ANO6: variants seen among roughly 807,000 people sequenced by gnomAD.
ANO6 encodes the protein anoctamin 6.
Under a neutral mutation model 117.5 loss-of-function variants are expected in ANO6, and 106 were observed. That is an observed-to-expected ratio of 0.90 (90% CI 0.77 to 1.06). ANO6 has a LOEUF of 1.06. Ranked by LOEUF, ANO6 falls within the 50% of genes least tolerant of loss-of-function variation. The pLI, the probability that ANO6 is intolerant of heterozygous loss-of-function variation, is 0.00. For missense variants in ANO6, 955 were observed against 1,121.1 expected, an observed-to-expected ratio of 0.85 and a Z score of 2.12; for synonymous variants, 367 against 385.1, an observed-to-expected ratio of 0.95 and a Z score of 0.55.
At chr12:45,394,649 A>G (rs1163280817) in intron 12 of ANO6, among the ~76,000 whole-genome samples, 1 of 152,268 alleles carries the variant, frequency 6.6e-6, no homozygotes. Flanking sequence ...ACTGTCTCTC[A>G]GACCACAGTG....
At chr12:45,322,549 A>G (rs1565689399) in intron 2 of ANO6, among the ~76,000 whole-genome samples, 1 of 152,188 alleles carries the variant, frequency 6.6e-6, no homozygotes. Context: ...CTTGCTGAGC[A>G]TATTGGTTTA....
chr12:45,295,639 G>A (rs1316540070), intron 1 of ANO6, among the ~76,000 whole-genome samples: 1 of 152,034 alleles, frequency 6.6e-6, no homozygotes, highest in Non-Finnish European at 1.5e-5. Flanking sequence ...TCGGCTCACT[G>A]CAACCTCTGC....
intron 1 of ANO6, among the ~76,000 whole-genome samples, chr12:45,230,525 T>C (rs1947559103): frequency 6.6e-6 from 1 of 151,204 alleles, no homozygotes; most frequent in Admixed American, 6.6e-5. Flanking sequence ...ATGGTCATTG[T>C]AAAACAACTA....
chr12:45,417,450 C>T (rs1052594891), intron 17 of ANO6, among the ~76,000 whole-genome samples: 5 of 152,182 alleles, frequency 3.3e-5, no homozygotes, highest in African/African-American at 1.2e-4. Context: ...ACCCTTCCCA[C>T]CCCACCCTTA....
chr12:45,372,910 G>C (rs1224088755), intron 9 of ANO6, among the ~76,000 whole-genome samples: 1 of 152,150 alleles, frequency 6.6e-6, no homozygotes, highest in Non-Finnish European at 1.5e-5. Context: ...AAAAGACACA[G>C]ACTGGCAAAT....
chr12:45,284,574 A>G (rs1449204736), intron 1 of ANO6, among the ~76,000 whole-genome samples: 2 of 151,964 alleles, frequency 1.3e-5, no homozygotes, highest in Non-Finnish European at 1.5e-5. Context: ...ACCTCGTCCA[A>G]CTCCCAGCCA....
chr12:45,276,256 C>T (rs567116471), intron 1 of ANO6, among the ~76,000 whole-genome samples: 18 of 152,304 alleles, frequency 1.2e-4, no homozygotes, highest in African/African-American at 3.8e-4. Flanking sequence ...AGGCCAGCTT[C>T]GTCACCTGGA....
chr12:45,432,847 T>G (rs140607051), downstream of ANO6, among the ~76,000 whole-genome samples: 383 of 152,296 alleles, frequency 2.5e-3, 2 homozygotes, highest in African/African-American at 9.0e-3. Flanking sequence ...CTGTCTCCCC[T>G]TCATTACTGA....
chr12:45,433,940 T>TC (rs1159955810), downstream of ANO6, among the ~76,000 whole-genome samples: 1 of 152,212 alleles, frequency 6.6e-6, no homozygotes, highest in Non-Finnish European at 1.5e-5. Context: ...TAATAGCATT[T>TC]CCATTTCCCA....
intron 1 of ANO6, among the ~76,000 whole-genome samples, chr12:45,298,189 G>A (rs1939358280): frequency 6.6e-6 from 1 of 152,154 alleles, no homozygotes; most frequent in East Asian, 1.9e-4. Flanking sequence ...CTCAAGTACT[G>A]TTGTTCCAAG....
intron 16 of ANO6, among the ~76,000 whole-genome samples, chr12:45,412,021 A>C (rs141020112): frequency 6.6e-6 from 1 of 151,926 alleles, no homozygotes; most frequent in East Asian, 1.9e-4. Flanking sequence ...TCCTTCACCC[A>C]CTTCTCACCA....
At chr12:45,267,616 C>T (rs1938260473) in intron 1 of ANO6, among the ~76,000 whole-genome samples, 1 of 151,882 alleles carries the variant, frequency 6.6e-6, no homozygotes, top group African/African-American at 2.4e-5. Flanking sequence ...TGTGGTGAAA[C>T]CCCGTCTCTA....
intron 1 of ANO6, among the ~76,000 whole-genome samples, chr12:45,261,188 A>G (rs1592887767): frequency 6.6e-6 from 1 of 152,312 alleles, no homozygotes; most frequent in East Asian, 1.9e-4. Context: ...GACACAGAGA[A>G]TATTTTCCAG....
rs187939885 is a variant in ANO6, at chr12:45,312,696, C to G, written c.150+10603C>G. ...TAAATATGCTTTTACCCAGAAAACTCTTAATGGCTTCTTCAAAAGGAAAAA... is the reference window on the plus strand; with the variant it reads ...TAAATATGCTTTTACCCAGAAAACTGTTAATGGCTTCTTCAAAAGGAAAAA... On this transcript the variant is annotated intron_variant, in intron 2 of 19. Transcript: ENST00000320560. 2.0e-4 allele frequency among the ~76,000 whole-genome samples: 31 copies of G among 152,168 alleles called. 1 individual carries two copies. The highest frequency in any genetic ancestry group is 1.4e-3 in the Admixed American group (22 of 15,256).
chr12:45,218,370 A>ATT (rs1947346917), intron 1 of ANO6, among the ~76,000 whole-genome samples: 1 of 129,514 alleles, frequency 7.7e-6, no homozygotes, highest in Non-Finnish European at 1.6e-5. Context: ...TATGAATGTG[A>ATT]TTTCTGTTTC....
chr12:45,270,324 A>G (rs1938352464), intron 1 of ANO6: 2 of 1,213,622 alleles, frequency 1.6e-6, no homozygotes, highest in Admixed American at 8.0e-5. Context: ...TGAGAGCAAA[A>G]ATGGTCAAAT....
intron 16 of ANO6, among the ~76,000 whole-genome samples, chr12:45,413,679 G>C (rs1445321353): frequency 6.6e-6 from 1 of 152,218 alleles, no homozygotes; most frequent in Non-Finnish European, 1.5e-5. Context: ...TAGCAGAGTT[G>C]TGTCAACACA....
At chr12:45,336,844 G>A (rs901482582) in intron 3 of ANO6, among the ~76,000 whole-genome samples, 1 of 151,968 alleles carries the variant, frequency 6.6e-6, no homozygotes, top group African/African-American at 2.4e-5. Flanking sequence ...ACTTCAGGAG[G>A]TATTCCAAAA....
At chr12:45,334,222 G>A (rs1017185908) in intron 3 of ANO6, among the ~76,000 whole-genome samples, 5 of 152,078 alleles carry the variant, frequency 3.3e-5, no homozygotes, top group Non-Finnish European at 5.9e-5. Flanking sequence ...CGTTTAGTCT[G>A]TACTGGGCTT....
Sources: gnomAD v4.1 joint callset for allele counts (sites outside exome capture counted in the v4.1 genomes callset) on GRCh38, gnomAD v4.1.1 for gene constraint, MANE v1.5 for transcripts, NCBI Gene and HGNC (gene_info 2026-07-23, HGNC 2026-07-21) for gene names.